The following PLXNA4 variants were observed in gnomAD, a reference collection of about 807,000 sequenced individuals.
PLXNA4 encodes plexin A4.
A neutral mutation model predicts 191.8 loss-of-function variants in PLXNA4; 44 were observed. The observed-to-expected ratio is 0.23, with a 90% confidence interval of 0.18 to 0.29. PLXNA4 has a LOEUF of 0.29. PLXNA4 is among the 10% of genes least tolerant of loss of function. The probability of loss-of-function intolerance (pLI) is 1.00; values close to 1 mark genes in which losing one functional copy is unlikely to be tolerated. For missense variants in PLXNA4, 1,800 were observed against 2,488.8 expected, an observed-to-expected ratio of 0.72 and a Z score of 5.89; for synonymous variants, 1,082 against 1,009.5, an observed-to-expected ratio of 1.07 and a Z score of -1.36.
chr7:132,584,454 T>G (rs1456468843), intron 2 of PLXNA4, among the ~76,000 whole-genome samples: 1 of 152,202 alleles, frequency 6.6e-6, no homozygotes, highest in African/African-American at 2.4e-5. Flanking sequence ...TTAAGATTAG[T>G]GCACTGGGTT....
chr7:132,490,064 G>A (rs1797726551), intron 2 of PLXNA4, among the ~76,000 whole-genome samples: 3 of 152,344 alleles, frequency 2.0e-5, no homozygotes, highest in South Asian at 4.1e-4. Flanking sequence ...CAATCAGCTG[G>A]GGAAAGGAGC....
intron 29 of PLXNA4, among the ~76,000 whole-genome samples, chr7:132,144,289 C>A (rs1795357495): frequency 6.6e-6 from 1 of 152,140 alleles, no homozygotes; most frequent in Non-Finnish European, 1.5e-5. Flanking sequence ...TTATTGAGAC[C>A]CAGCTTTATG....
chr7:132,143,105 A>G (rs1042265647), intron 29 of PLXNA4, among the ~76,000 whole-genome samples: 3 of 143,532 alleles, frequency 2.1e-5, no homozygotes, highest in Middle Eastern at 3.5e-3. Context: ...CTGTGGAAGA[A>G]GGGGGTGGGG....
At chr7:132,312,455 T>C (rs1229892217) in intron 3 of PLXNA4, among the ~76,000 whole-genome samples, 1 of 152,116 alleles carries the variant, frequency 6.6e-6, no homozygotes, top group Non-Finnish European at 1.5e-5. Flanking sequence ...GGTGGGGAAG[T>C]CACCAAGAAC....
chr7:132,383,960 C>T lies in PLXNA4; in HGVS notation c.1372-85738G>A, dbSNP rs1178199138. 7 of 985,438 alleles carry T rather than the reference C, an allele frequency of 7.1e-6. No homozygotes were observed. In the African/African-American group the frequency reaches 1.2e-4, roughly 17 times the overall value. 61.0% of individuals were successfully genotyped at this position (985,438 alleles called of 1,614,324 possible). ...TGTTTATAATGCTTTTCAACTCTTTCAAAGTCCTTGCTTTACCCATCCCTA... is the reference window on the plus strand; with the variant it reads ...TGTTTATAATGCTTTTCAACTCTTTTAAAGTCCTTGCTTTACCCATCCCTA... On this transcript the variant is annotated intron_variant, in intron 3 of 31. Coordinates refer to ENST00000321063, the MANE Select transcript of PLXNA4 (RefSeq NM_020911.2).
chr7:132,235,610 G>A (rs183531346), intron 5 of PLXNA4, among the ~76,000 whole-genome samples: 11 of 152,326 alleles, frequency 7.2e-5, no homozygotes, highest in Non-Finnish European at 1.0e-4. Flanking sequence ...CCCCTGTGAT[G>A]TCTTGGGTTA....
chr7:132,145,706 G>A (rs1257814096), intron 28 of PLXNA4, among the ~76,000 whole-genome samples: 1 of 152,100 alleles, frequency 6.6e-6, no homozygotes, highest in African/African-American at 2.4e-5. Context: ...GCAGAGAGCA[G>A]AGCTGAGCCC....
chr7:132,388,045 A>G lies in PLXNA4; in HGVS notation c.1372-89823T>C, dbSNP rs115592105. On this transcript the variant is annotated intron_variant, in intron 3 of 31. Transcript: ENST00000321063. Reference sequence around the variant, plus strand: ...CAATTCCCACCGACCAGCAGCCCAGATCTTAATTAAAACATTCAACCTGCA... The same window carrying G: ...CAATTCCCACCGACCAGCAGCCCAGGTCTTAATTAAAACATTCAACCTGCA... Among the ~76,000 whole-genome samples, 329 of 152,212 alleles carry G rather than the reference A, an allele frequency of 2.2e-3. 3 individuals are homozygous for G. The highest frequency in any genetic ancestry group is 7.5e-3 in the African/African-American group (313 of 41,506).
intron 2 of PLXNA4, among the ~76,000 whole-genome samples, chr7:132,491,856 A>C (rs964397423): frequency 2.0e-5 from 3 of 152,152 alleles, no homozygotes; most frequent in African/African-American, 7.2e-5. Flanking sequence ...AGGAGACAGG[A>C]GGCAGAGGGT....
chr7:132,174,782 A>G lies in PLXNA4; in HGVS notation c.4013T>C (p.Leu1338Pro), dbSNP rs1796403649. ...GGATGGAGCACTGCTTCTCACCTCA[A>G]GGTCCCGGAGGACAGGGTGGTCTTC... ...GIEDHPVLRD[L>P]EVPGYRQERV... Residue 1338 changes from leucine (L) to proline (P), a missense_variant, in exon 21 of 32, where the codon CTT (leucine) becomes CCT (proline). Leu to Pro is a moderately conservative substitution (Grantham distance 98). This residue lies in a region of PLXNA4 where 1,397 missense variants were observed against 1,880.4 expected (regional missense o/e 0.74). Coordinates refer to ENST00000321063, the MANE Select transcript of PLXNA4 (RefSeq NM_020911.2). The G allele has an allele frequency of 6.2e-7, 1 of 1,613,866 alleles. No individual in the cohort carries two copies. Among genetic ancestry groups the G allele is most frequent in the Non-Finnish European group, 8.5e-7 (1 of 1,179,764 alleles).
chr7:132,206,253 G>A (rs1046576933), intron 10 of PLXNA4, among the ~76,000 whole-genome samples: 8 of 152,204 alleles, frequency 5.3e-5, no homozygotes, highest in African/African-American at 1.9e-4. Context: ...TAGTCTAAGC[G>A]CTCAAATGTG....
intron 3 of PLXNA4, among the ~76,000 whole-genome samples, chr7:132,344,780 A>G (rs1278133730): frequency 6.6e-6 from 1 of 152,216 alleles, no homozygotes; most frequent in Non-Finnish European, 1.5e-5. Flanking sequence ...GTGTCAAGCA[A>G]GAGATCAGTT....
intron 9 of PLXNA4, among the ~76,000 whole-genome samples, chr7:132,217,603 T>C (rs1008036): frequency 0.54 from 81,919 of 151,834 alleles, 23,609 homozygotes; most frequent in African/African-American, 0.72. Context: ...CAACCAACCC[T>C]CCAAATTTAT....
intron 3 of PLXNA4, among the ~76,000 whole-genome samples, chr7:132,481,749 G>A (rs973454971): frequency 2.0e-5 from 3 of 152,158 alleles, no homozygotes; most frequent in Admixed American, 1.3e-4. Flanking sequence ...AGAGTTCTCG[G>A]CAGCTACTGA....
At chr7:132,178,289 C>CTGCTCTAGTGGGGTGAAGG (rs371066517) in intron 20 of PLXNA4, among the ~76,000 whole-genome samples, 126 of 152,256 alleles carry the variant, frequency 8.3e-4, no homozygotes, top group African/African-American at 2.7e-3. Context: ...GGTATGGAGG[C>CTGCTCTAGTGGGGTGAAGG]TGCTCTAGTG....
intron 3 of PLXNA4, among the ~76,000 whole-genome samples, chr7:132,470,283 C>T (rs58229592): frequency 0.037 from 5,569 of 152,258 alleles, 278 homozygotes; most frequent in African/African-American, 0.11. Flanking sequence ...TGTCCTCACC[C>T]CATCTGGCTT....
At chr7:132,417,860 T>C (rs940853910) in intron 3 of PLXNA4, among the ~76,000 whole-genome samples, 24 of 152,134 alleles carry the variant, frequency 1.6e-4, no homozygotes, top group African/African-American at 4.8e-4. Context: ...CTCTGTTCTC[T>C]TTCTCTCTGG....
intron 2 of PLXNA4, among the ~76,000 whole-genome samples, chr7:132,632,235 CAAAA>C (rs398006359): frequency 3.4e-4 from 27 of 78,634 alleles, no homozygotes; most frequent in African/African-American, 1.1e-3. Flanking sequence ...GACTCCATCT[CAAAA>C]AAAAAAAAAA....
Position 132,159,503 on chromosome 7 carries a change from G to A in PLXNA4, c.4630C>T (p.His1544Tyr), listed in dbSNP as rs1302550342. ...TCCATATCTGCAGCTTTGGGCCGGT[G>A]GGAGCAAGGCACATTCTTGAAGATG... The part of the protein sequence containing the change: ...DAIFKNVPCS[H>Y]RPKAADMDLE... Residue 1544 changes from histidine (H) to tyrosine (Y), a missense_variant, in exon 25 of 32, where the codon CAC (histidine) becomes TAC (tyrosine). By Grantham distance (83) the His-to-Tyr change is moderately conservative. Around this residue, in one of 6 missense-constraint regions of PLXNA4, gnomAD observed 214 missense variants for 298.2 expected, o/e 0.72. Coordinates refer to ENST00000321063, the MANE Select transcript of PLXNA4 (RefSeq NM_020911.2). 3.7e-6 allele frequency: 6 copies of A among 1,614,024 alleles called. No individual in the cohort carries two copies. In the African/African-American group the frequency reaches 5.3e-5, roughly 14 times the overall value.
Sources: allele counts gnomAD v4.1 joint callset (sites outside exome capture counted in the v4.1 genomes callset), GRCh38; gene constraint gnomAD v4.1.1; regional missense constraint gnomAD v4.1.1; transcripts MANE v1.5; gene names NCBI Gene and HGNC (gene_info 2026-07-23, HGNC 2026-07-21).